The following DACH2 variants were observed in gnomAD, a reference collection of about 807,000 sequenced individuals.
DACH2 encodes dachshund homolog 2.
In DACH2, 17 loss-of-function variants were observed where a neutral mutation model predicts 35.8. The observed-to-expected ratio is 0.48, with a 90% CI of 0.33 to 0.71. DACH2 has a LOEUF of 0.71. DACH2 is among the 30% of genes least tolerant of loss of function. The pLI, the probability that DACH2 is intolerant of heterozygous loss-of-function variation, is 0.02. For missense variants in DACH2, 469 were observed against 472.7 expected (o/e 0.99, Z 0.07); for synonymous variants, 195 against 177.3 (o/e 1.10, Z -0.79).
intron 1 of DACH2, among the ~76,000 whole-genome samples, chrX:86,231,590 G>A (rs992206430): frequency 1.8e-5 from 2 of 111,523 alleles, no homozygotes; most frequent in Non-Finnish European, 3.8e-5. Flanking sequence ...CACTCCCACC[G>A]TGCCACCTGC....
chrX:86,568,423 C>T (rs1365897278), intron 3 of DACH2, among the ~76,000 whole-genome samples: 1 of 110,387 alleles, frequency 9.1e-6, no homozygotes, highest in African/African-American at 3.3e-5. Context: ...CTTTTTTTCT[C>T]AATTTTGCTA....
At chrX:86,670,754 G>GCATA (rs2040755438) in intron 4 of DACH2, among the ~76,000 whole-genome samples, 4 of 111,997 alleles carry the variant, frequency 3.6e-5, no homozygotes, top group Non-Finnish European at 7.5e-5. Context: ...TCGTTTTAAA[G>GCATA]GTTCCTTTCT....
chrX:86,705,192 A>T (rs775640628), intron 5 of DACH2, among the ~76,000 whole-genome samples: 1 of 109,221 alleles, frequency 9.2e-6, no homozygotes, highest in African/African-American at 3.4e-5. Context: ...TAACTCAGGA[A>T]TGGAAAACCA....
At chrX:86,531,651 G>T (rs2038722480) in intron 3 of DACH2, among the ~76,000 whole-genome samples, 1 of 110,758 alleles carries the variant, frequency 9.0e-6, no homozygotes, top group African/African-American at 3.2e-5. Flanking sequence ...CCAGGCAGAA[G>T]TCTGCTACAG....
At chrX:86,295,308 A>G (rs1229460262) in intron 1 of DACH2, among the ~76,000 whole-genome samples, 3 of 111,784 alleles carry the variant, frequency 2.7e-5, no homozygotes, top group South Asian at 3.8e-4. Flanking sequence ...ACTGACCTGC[A>G]CCCACTGTCT....
chrX:86,329,191 T>A (rs1054513828), intron 1 of DACH2, among the ~76,000 whole-genome samples: 5 of 110,963 alleles, frequency 4.5e-5, no homozygotes, highest in African/African-American at 1.6e-4. Context: ...ACACTTATAA[T>A]TAGTGAGATC....
chrX:86,644,270 C>T (rs1006805396), intron 3 of DACH2, among the ~76,000 whole-genome samples: 7 of 111,649 alleles, frequency 6.3e-5, no homozygotes. Context: ...AGTTCCTATA[C>T]ACCAACAACA....
chrX:86,640,409 C>T (rs12557749), intron 3 of DACH2, among the ~76,000 whole-genome samples: 13,894 of 111,354 alleles, frequency 0.12, 751 homozygotes, highest in East Asian at 0.32. Context: ...CCACACAACT[C>T]TCACGGTTCA....
intron 7 of DACH2, among the ~76,000 whole-genome samples, chrX:86,810,321 A>G (rs1285186430): frequency 8.9e-6 from 1 of 111,886 alleles, no homozygotes; most frequent in African/African-American, 3.2e-5. Context: ...CTGAGGTTAT[A>G]CATATGTGTA....
At chrX:86,213,633 A>C (rs1447338386) in intron 1 of DACH2, among the ~76,000 whole-genome samples, 1 of 110,602 alleles carries the variant, frequency 9.0e-6, no homozygotes, top group African/African-American at 3.3e-5. Context: ...TGTTGGGCCC[A>C]ATTTACGCCC....
At position 86,553,760 on chromosome X, in the gene DACH2, G is replaced by A. The variant is rs1031836504; in HGVS notation, c.640+39369G>A. Reference sequence around the variant, plus strand: ...ATGATCAACTATAAAGGTCAGATGTGTAAACCACTGATTCCTACCTACTTC... The same window carrying A: ...ATGATCAACTATAAAGGTCAGATGTATAAACCACTGATTCCTACCTACTTC... On this transcript the variant is annotated intron_variant, in intron 3 of 11. Transcript: ENST00000373125. Among the ~76,000 whole-genome samples the A allele has an allele frequency of 4.5e-5, 5 of 111,925 alleles. No homozygotes were observed. In the Admixed American group the frequency reaches 4.8e-4, roughly 11 times the overall value.
intron 2 of DACH2, among the ~76,000 whole-genome samples, chrX:86,445,142 G>A (rs897312259): frequency 9.1e-6 from 1 of 110,171 alleles, no homozygotes; most frequent in East Asian, 2.9e-4. Context: ...TCCTTTTTTT[G>A]AAGCAATTGT....
chrX:86,706,077 C>T (rs1389243139), intron 5 of DACH2, among the ~76,000 whole-genome samples: 1 of 110,444 alleles, frequency 9.1e-6, no homozygotes, highest in Non-Finnish European at 1.9e-5. Flanking sequence ...GTATAATGGA[C>T]ATTGTAGAAT....
chrX:86,459,076 CAAAA>C (rs750524971), intron 2 of DACH2, among the ~76,000 whole-genome samples: 37 of 111,654 alleles, frequency 3.3e-4, no homozygotes, highest in South Asian at 3.0e-3. Context: ...AAACTAAAAA[CAAAA>C]GAAGTGTTTT....
intron 1 of DACH2, among the ~76,000 whole-genome samples, chrX:86,270,064 A>T (rs979075841): frequency 9.9e-6 from 1 of 101,124 alleles, no homozygotes; most frequent in African/African-American, 3.6e-5. Flanking sequence ...TAAAGAGTTT[A>T]CCACCTTTTA....
At chrX:86,692,415 G>T (rs758975187) in intron 4 of DACH2, among the ~76,000 whole-genome samples, 9 of 110,035 alleles carry the variant, frequency 8.2e-5, no homozygotes, top group Admixed American at 5.8e-4. Context: ...ACAAAGGTGT[G>T]AGCTGTTGGA....
At chrX:86,817,536 G>A (rs761273765) in intron 11 of DACH2, among the ~76,000 whole-genome samples, 2 of 111,347 alleles carry the variant, frequency 1.8e-5, no homozygotes, top group South Asian at 3.7e-4. Context: ...GTGGGTTTAA[G>A]GTCAGCTTTG....
intron 7 of DACH2, among the ~76,000 whole-genome samples, chrX:86,783,076 T>A (rs949879124): frequency 3.6e-5 from 4 of 110,983 alleles, no homozygotes; most frequent in Admixed American, 9.6e-5. Context: ...AGGAAAAAAA[T>A]CTTATAATCT....
At chrX:86,498,665 A>G (rs1029550953) in intron 2 of DACH2, among the ~76,000 whole-genome samples, 1 of 112,393 alleles carries the variant, frequency 8.9e-6, no homozygotes, top group African/African-American at 3.2e-5. Context: ...CTTTAAATTT[A>G]AGTAAATCTT....
Sources: gnomAD v4.1 joint callset for allele counts (sites outside exome capture counted in the v4.1 genomes callset) on GRCh38, gnomAD v4.1.1 for gene constraint, MANE v1.5 for transcripts, NCBI Gene and HGNC (gene_info 2026-07-23, HGNC 2026-07-21) for gene names.